Variants in ZNF462 observed in about 807,000 individuals in gnomAD.
ZNF462 encodes the protein zinc finger PBX1-interacting protein.
A neutral mutation model predicts 201.9 loss-of-function variants in ZNF462; 10 were observed. The observed-to-expected ratio is 0.05, with a 90% CI of 0.03 to 0.08. ZNF462 has a LOEUF of 0.08. ZNF462 is among the 10% of genes least tolerant of loss of function. ZNF462 has a pLI of 1.00. For missense variants in ZNF462, 2,523 were observed against 3,168.3 expected, an observed-to-expected ratio of 0.80 and a Z score of 4.89; for synonymous variants, 1,227 against 1,193.3, an observed-to-expected ratio of 1.03 and a Z score of -0.58.
chr9:106,907,519 A>G (rs1483471595), intron 1 of ZNF462, among the ~76,000 whole-genome samples: 1 of 152,046 alleles, frequency 6.6e-6, no homozygotes, highest in Admixed American at 6.6e-5. Context: ...TTACATGGTA[A>G]TTTTAAAATT....
intron 10 of ZNF462, among the ~76,000 whole-genome samples, chr9:106,988,216 C>T (rs904823952): frequency 9.2e-5 from 14 of 152,156 alleles, no homozygotes; most frequent in Non-Finnish European, 1.9e-4. Context: ...ACAATCATGG[C>T]AGAAGGCAAG....
chr9:106,953,565 C>G (rs1245288607), intron 7 of ZNF462, among the ~76,000 whole-genome samples: 3 of 152,070 alleles, frequency 2.0e-5, no homozygotes, highest in African/African-American at 7.2e-5. Flanking sequence ...TCTGATCATG[C>G]CTTCCCTTTA....
At position 106,925,956 on chromosome 9, in the gene ZNF462, G is replaced by A. The variant is rs1337498895; in HGVS notation, c.2044G>A (p.Asp682Asn). The A allele has an allele frequency of 6.2e-7, 1 of 1,614,034 alleles. No individual in the cohort carries two copies. Among genetic ancestry groups the A allele is most frequent in the Non-Finnish European group, 8.5e-7 (1 of 1,180,040 alleles). Reference sequence around the variant, plus strand: ...TAAAGCCTCTAGGAAGCTCGCCAATGACTTTCCTCTAGATTTGTCACCCGT... The same window carrying A: ...TAAAGCCTCTAGGAAGCTCGCCAATAACTTTCCTCTAGATTTGTCACCCGT... ...VAKASRKLAN[D>N]FPLDLSPVKK... Residue 682 changes from aspartate (D) to asparagine (N), a missense_variant, in exon 3 of 13, where the codon GAC becomes AAC. Physicochemically the swap from Asp to Asn is conservative, Grantham distance 23 (BLOSUM62 1). This residue lies in a region of ZNF462 where 383 missense variants were observed against 453.4 expected (regional missense o/e 0.84). Coordinates refer to ENST00000277225, the MANE Select transcript of ZNF462 (RefSeq NM_021224.6). This position sits in a 1 kb window ranked among gnomAD's most constrained non-coding sequence, Gnocchi z 7.9.
rs1830391837 is a variant in ZNF462, at chr9:106,930,743, A to G, written c.6012+54A>G. On this transcript the variant is annotated intron_variant, in intron 4 of 12. Transcript: ENST00000277225. The surrounding 1 kb of genome is among the most constrained non-coding windows in gnomAD (Gnocchi z 5.8). ...TGTGTGTGAGCGATTCGAGTTACTTATTAACCCCATTGCCTAAAGCAGCTC... is the reference window on the plus strand; with the variant it reads ...TGTGTGTGAGCGATTCGAGTTACTTGTTAACCCCATTGCCTAAAGCAGCTC... The G allele has an allele frequency of 3.8e-5, 61 of 1,597,942 alleles. No homozygotes were observed. The highest frequency in any genetic ancestry group is 5.2e-5 in the Non-Finnish European group (61 of 1,169,370).
chr9:106,924,984 A>T lies in ZNF462; in HGVS notation c.1072A>T (p.Asn358Tyr), dbSNP rs749088918. Reference protein sequence around the residue: ...PKSPHNSGLVNLTERSRYGMT... With the variant: ...PKSPHNSGLVYLTERSRYGMT... ...GTCACCTCACAATTCTGGTCTAGTT[A>T]ACTTGACAGAGAGATCCCGTTATGG... The change falls in exon 3 of 13, where the codon AAC becomes TAC. Residue 358 changes from asparagine (N) to tyrosine (Y), a missense_variant. By Grantham distance (143) the Asn-to-Tyr change is moderately radical. Coordinates refer to ENST00000277225, the MANE Select transcript of ZNF462 (RefSeq NM_021224.6). This position sits in a 1 kb window ranked among gnomAD's most constrained non-coding sequence, Gnocchi z 6.2. 3.1e-6 allele frequency: 5 copies of T among 1,614,102 alleles called. No individual in the cohort carries two copies. The East Asian group carries it at 6.7e-5, about 22-fold the overall frequency.
Position 106,954,513 on chromosome 9 carries a change from G to GA in ZNF462, c.6427+15420dup, listed in dbSNP as rs75004811. On this transcript the variant is annotated intron_variant, in intron 7 of 12. Coordinates refer to ENST00000277225, the MANE Select transcript of ZNF462 (RefSeq NM_021224.6). This position sits in a 1 kb window ranked among gnomAD's most constrained non-coding sequence, Gnocchi z 4.0. ...AACCATATCAGCCTGTTTAAAAGAG[G>GA]AAAAAAAAAAAAAACTCAGTCAATA... Among the ~76,000 whole-genome samples the GA allele has an allele frequency of 0.012, 1,660 of 134,936 alleles. 10 individuals carry two copies. Among genetic ancestry groups the GA allele is most frequent in the South Asian group, 0.024 (103 of 4,244 alleles). The allele number at this position is 134,936 out of a possible 152,430, so 88.5% of individuals were successfully genotyped here. A position where few individuals can be genotyped will look rare whatever the true frequency, so the allele number is the denominator to read the frequency against.
chr9:106,948,157 C>T (rs1199480348), intron 7 of ZNF462, among the ~76,000 whole-genome samples: 2 of 152,018 alleles, frequency 1.3e-5, no homozygotes, highest in East Asian at 3.9e-4. Flanking sequence ...AGAAAGGATC[C>T]TGGGACTGCA....
chr9:106,892,677 C>T (rs1828631864), intron 1 of ZNF462, among the ~76,000 whole-genome samples: 1 of 146,664 alleles, frequency 6.8e-6, no homozygotes. Flanking sequence ...GGCATATACT[C>T]ACACACACAC....
In ZNF462 at chr9:106,926,101, A is replaced by G. The variant is rs1370891640; in HGVS notation, c.2189A>G (p.Asn730Ser). Residue 730 changes from asparagine (N) to serine (S), a missense_variant, in exon 3 of 13, where the codon AAC (asparagine) becomes AGC (serine). Transcript: ENST00000277225. The surrounding 1 kb of genome is among the most constrained non-coding windows in gnomAD (Gnocchi z 7.9). ...GATGATGAAGAGGAAGAGGAAGACA[A>G]CGAAGTCGAGATAGAGGTTGAGTTG... ...VEDDEEEEED[N>S]EVEIEVELDR... 5 of 1,614,108 alleles carry G rather than the reference A, an allele frequency of 3.1e-6. No individual in the cohort carries two copies. The highest frequency in any genetic ancestry group is 1.1e-5 in the South Asian group (1 of 91,088).
chr9:106,937,490 G>A (rs919048033), intron 6 of ZNF462, among the ~76,000 whole-genome samples: 1 of 151,916 alleles, frequency 6.6e-6, no homozygotes, highest in Non-Finnish European at 1.5e-5. Context: ...TTATGATTCT[G>A]TTTTCTCTTT....
At position 106,902,136 on chromosome 9, in the gene ZNF462, T is replaced by C. The variant is rs1444880716; in HGVS notation, c.-30-21218T>C. Among the ~76,000 whole-genome samples, 1 of 152,210 alleles carries C rather than the reference T, an allele frequency of 6.6e-6. No individual in the cohort carries two copies. Among genetic ancestry groups the C allele is most frequent in the Non-Finnish European group, 1.5e-5 (1 of 68,030 alleles). ...AAGCGTTTTAATCATAAAGGGATGCTGGATTTTGTCGAATGCTTTTTCTGC... is the reference window on the plus strand; with the variant it reads ...AAGCGTTTTAATCATAAAGGGATGCCGGATTTTGTCGAATGCTTTTTCTGC... On this transcript the variant is annotated intron_variant, in intron 1 of 12. Transcript: ENST00000277225. This position sits in a 1 kb window ranked among gnomAD's most constrained non-coding sequence, Gnocchi z 4.2.
intron 1 of ZNF462, among the ~76,000 whole-genome samples, chr9:106,869,458 T>C (rs529701848): frequency 7.3e-4 from 112 of 152,382 alleles, no homozygotes; most frequent in Non-Finnish European, 7.5e-4. Flanking sequence ...TTTCCACTTC[T>C]GTCTCTTCTT....
chr9:106,932,811 A>G lies in ZNF462; in HGVS notation c.6116+262A>G. ...TTGCTATGATTTACCCAAAGGTAAA[A>G]TGGCATCTGTGGAGAGTAGATGAGT... On this transcript the variant is annotated intron_variant, in intron 5 of 12. Transcript: ENST00000277225. This position sits in a 1 kb window ranked among gnomAD's most constrained non-coding sequence, Gnocchi z 6.8. 1.7e-6 allele frequency: 1 copy of G among 580,728 alleles called. No homozygotes were observed. Among genetic ancestry groups the G allele is most frequent in the East Asian group, 2.9e-5 (1 of 34,208 alleles). 36.0% of individuals were successfully genotyped at this position (580,728 alleles called of 1,614,324 possible). A position where few individuals can be genotyped will look rare whatever the true frequency, so the allele number is the denominator to read the frequency against.
At chr9:106,916,735 G>C (rs1037441664) in intron 1 of ZNF462, among the ~76,000 whole-genome samples, 4 of 152,156 alleles carry the variant, frequency 2.6e-5, no homozygotes, top group African/African-American at 9.7e-5. Context: ...CCCATCATTT[G>C]AAAGGACATG....
intron 9 of ZNF462, among the ~76,000 whole-genome samples, chr9:106,982,428 CAAG>C (rs1315430537): frequency 1.3e-5 from 2 of 152,126 alleles, no homozygotes; most frequent in African/African-American, 4.8e-5. Context: ...CCTTGAGTTA[CAAG>C]AATAGAATAT....
At chr9:106,897,999 T>C (rs1828883843) in intron 1 of ZNF462, among the ~76,000 whole-genome samples, 1 of 152,248 alleles carries the variant, frequency 6.6e-6, no homozygotes, top group Non-Finnish European at 1.5e-5. Context: ...AGCAAATGTG[T>C]AATTCCTTAT....
At chr9:106,956,356 T>A (rs7848891) in intron 7 of ZNF462, among the ~76,000 whole-genome samples, 37,846 of 152,064 alleles carry the variant, frequency 0.25, 6,813 homozygotes, top group African/African-American at 0.52. Context: ...TTATCTGAGT[T>A]GTAAGTCCCA....
Position 106,963,010 on chromosome 9 carries a change from T to C in ZNF462, c.6428-8995T>C, listed in dbSNP as rs1206658263. Among the ~76,000 whole-genome samples the C allele has an allele frequency of 6.6e-6, 1 of 152,066 alleles. No homozygotes were observed. Among genetic ancestry groups the C allele is most frequent in the Non-Finnish European group, 1.5e-5 (1 of 67,980 alleles). ...GAGGCGTATGTTCCCCCTTAGACAC[T>C]ATGGAATGGAAATGGTTTGTATTCT... On this transcript the variant is annotated intron_variant, in intron 7 of 12. Transcript: ENST00000277225. This position sits in a 1 kb window ranked among gnomAD's most constrained non-coding sequence, Gnocchi z 4.7.
chr9:106,912,993 G>C (rs1224643357), intron 1 of ZNF462, among the ~76,000 whole-genome samples: 1 of 152,230 alleles, frequency 6.6e-6, no homozygotes, highest in Non-Finnish European at 1.5e-5. Flanking sequence ...AAAAGGCTTT[G>C]TGGAGGGAAG....
Sources: gnomAD v4.1 joint callset for allele counts (sites outside exome capture counted in the v4.1 genomes callset) on GRCh38, gnomAD v4.1.1 for gene constraint, gnomAD v4.1.1 regional missense constraint, Gnocchi (gnomAD v3.1) non-coding constraint, MANE v1.5 for transcripts, NCBI Gene and HGNC (gene_info 2026-07-23, HGNC 2026-07-21) for gene names.